The following CCDC30 variants were observed in gnomAD, a reference collection of about 807,000 sequenced individuals.
CCDC30 encodes the protein coiled-coil domain containing 30.
Under a neutral mutation model 100.2 loss-of-function variants are expected in CCDC30, and 70 were observed. That is an observed-to-expected ratio of 0.70 (90% CI 0.58 to 0.85). The LOEUF (loss-of-function observed/expected upper bound fraction) is 0.85. Among genes scored for constraint, CCDC30 ranks in the 40% least tolerant of loss-of-function variants. The pLI is 0.00. For missense variants in CCDC30, 652 were observed against 771.2 expected (o/e 0.85, Z 1.83); for synonymous variants, 233 against 269.5 (o/e 0.86, Z 1.33).
At chr1:42,649,558 G>A (rs1275278767) in intron 15 of CCDC30, among the ~76,000 whole-genome samples, 4 of 152,064 alleles carry the variant, frequency 2.6e-5, no homozygotes, top group South Asian at 2.1e-4. Context: ...GGATGCCCAC[G>A]CTCACCACTT....
chr1:42,479,565 T>TAAA (rs150749741), intron 1 of CCDC30, among the ~76,000 whole-genome samples: 15,916 of 139,524 alleles, frequency 0.11, 1,212 homozygotes, highest in East Asian at 0.24. Flanking sequence ...AGACATATGC[T>TAAA]TAAAAAAAAA....
At chr1:42,585,408 T>C (rs1037256617) in intron 9 of CCDC30, among the ~76,000 whole-genome samples, 1 of 152,128 alleles carries the variant, frequency 6.6e-6, no homozygotes, top group Non-Finnish European at 1.5e-5. Flanking sequence ...CCACATTTTT[T>C]ATATTATTAA....
chr1:42,638,571 A>T (rs973171850), intron 12 of CCDC30, among the ~76,000 whole-genome samples: 3 of 151,402 alleles, frequency 2.0e-5, no homozygotes, highest in African/African-American at 7.3e-5. Flanking sequence ...AAAAAAAAAA[A>T]AAAAAGAAAA....
At chr1:42,597,018 C>T (rs1646302386) in intron 10 of CCDC30, among the ~76,000 whole-genome samples, 1 of 151,496 alleles carries the variant, frequency 6.6e-6, no homozygotes, top group Non-Finnish European at 1.5e-5. Flanking sequence ...GAAATGAATA[C>T]CTTGGTGGGC....
At chr1:42,473,677 A>G (rs1643838106) in intron 1 of CCDC30, 1 of 178,144 alleles carries the variant, frequency 5.6e-6, no homozygotes, top group South Asian at 2.0e-4. Context: ...GTGGGCTTGT[A>G]TTAACCAAAG....
chr1:42,460,134 A>G, upstream of CCDC30: 1 of 1,306,850 alleles, frequency 7.7e-7, no homozygotes, highest in Non-Finnish European at 9.7e-7. Context: ...TAGAACTGTT[A>G]ATCACCTTTA....
exon 6 of CCDC30, chr1:42,498,863 C>G (rs1644266522): frequency 8.1e-7 from 1 of 1,233,984 alleles, no homozygotes; most frequent in Non-Finnish European, 1.0e-6. Flanking sequence ...AGAGAATAAG[C>G]AACTTGGAAA....
At chr1:42,529,652 A>G (rs1644777476) in intron 6 of CCDC30, 1 of 152,202 alleles carries the variant, frequency 6.6e-6, no homozygotes, top group Non-Finnish European at 1.5e-5. Flanking sequence ...TGATGGTGAT[A>G]GCAACAAGTA....
At chr1:42,457,560 T>C in the CCDC30 span, 3 of 587,994 alleles carry the variant, frequency 5.1e-6, no homozygotes, top group South Asian at 2.0e-5. Context: ...ATAAATGCTC[T>C]AGTGGAGGTA....
intron 2 of CCDC30, 87 bp downstream of exon 2, chr1:42,480,653 G>A (rs1483676667): frequency 2.0e-6 from 2 of 976,038 alleles, no homozygotes; most frequent in Admixed American, 1.2e-4. Context: ...ATTTTGTTAA[G>A]AAGAAATTGG....
chr1:42,580,148 G>T (rs1428181227), intron 8 of CCDC30, among the ~76,000 whole-genome samples: 2 of 152,166 alleles, frequency 1.3e-5, no homozygotes, highest in African/African-American at 4.8e-5. Flanking sequence ...AGCCAATGAG[G>T]TGATGCTTTT....
intron 12 of CCDC30, among the ~76,000 whole-genome samples, chr1:42,640,583 A>T (rs1014312399): frequency 6.6e-6 from 1 of 152,156 alleles, no homozygotes; most frequent in Non-Finnish European, 1.5e-5. Flanking sequence ...TCTAATCAAC[A>T]TCCTACAGGT....
At chr1:42,487,329 G>C (rs1644068789) in intron 3 of CCDC30, among the ~76,000 whole-genome samples, 1 of 152,126 alleles carries the variant, frequency 6.6e-6, no homozygotes, top group Admixed American at 6.6e-5. Context: ...GTACCTCAAA[G>C]CTGTTAAAAA....
At chr1:42,516,777 A>G (rs1233179706) in intron 6 of CCDC30, among the ~76,000 whole-genome samples, 1 of 152,072 alleles carries the variant, frequency 6.6e-6, no homozygotes, top group Non-Finnish European at 1.5e-5. Flanking sequence ...TTTCTTTATA[A>G]ATTATCCAGC....
intron 11 of CCDC30, among the ~76,000 whole-genome samples, chr1:42,613,537 A>G (rs926323772): frequency 3.3e-5 from 5 of 152,150 alleles, no homozygotes; most frequent in Non-Finnish European, 7.3e-5. Context: ...TACAGGCGTG[A>G]GCCACCGTGC....
intron 6 of CCDC30, among the ~76,000 whole-genome samples, chr1:42,552,847 T>A (rs1275257708): frequency 6.6e-6 from 1 of 152,068 alleles, no homozygotes; most frequent in African/African-American, 2.4e-5. Context: ...GGGAGAAGTG[T>A]GCCTCCTCCC....
chr1:42,655,841 C>A (rs11210692), downstream of CCDC30, among the ~76,000 whole-genome samples: 2,410 of 129,982 alleles, frequency 0.019, 74 homozygotes, highest in African/African-American at 0.065. Flanking sequence ...TAAACGTTCT[C>A]TTGTTTGGCA....
intron 7 of CCDC30, among the ~76,000 whole-genome samples, chr1:42,570,121 A>G (rs1233534511): frequency 2.0e-5 from 3 of 152,226 alleles, no homozygotes; most frequent in South Asian, 2.1e-4. Flanking sequence ...AACTTAAAGT[A>G]TAATTTAAAA....
At chr1:42,483,364 C>T (rs1205076410) in intron 3 of CCDC30, among the ~76,000 whole-genome samples, 1 of 152,144 alleles carries the variant, frequency 6.6e-6, no homozygotes, top group African/African-American at 2.4e-5. Context: ...TGGTATATGT[C>T]TCAGTGTGCT....
Sources: allele counts gnomAD v4.1 joint callset (sites outside exome capture counted in the v4.1 genomes callset), GRCh38; gene constraint gnomAD v4.1.1; transcripts MANE v1.5; gene names NCBI Gene and HGNC (gene_info 2026-07-23, HGNC 2026-07-21).